Variants in TGDS observed in about 807,000 individuals in gnomAD.
The protein encoded by TGDS is TDP-glucose 4,6-dehydratase, also known as UDP-D-glucose 4,6-dehydratase.
TGDS carries 47 observed loss-of-function variants against 52.3 expected under a neutral mutation model. That is an observed-to-expected ratio of 0.90 (90% CI 0.71 to 1.15). TGDS has a LOEUF of 1.15. TGDS is among the 50% of genes most tolerant of loss of function. TGDS has a pLI of 0.00. For missense variants in TGDS, 375 were observed against 418.4 expected, an observed-to-expected ratio of 0.90 and a Z score of 0.90; for synonymous variants, 115 against 136.9, an observed-to-expected ratio of 0.84 and a Z score of 1.12.
intron 4 of TGDS, among the ~76,000 whole-genome samples, chr13:94,587,173 G>GA (rs34519026): frequency 0.66 from 100,639 of 151,550 alleles, 33,622 homozygotes; most frequent in Admixed American, 0.72. Context: ...ATACATTAGA[G>GA]AAAACGTGAA....
At chr13:94,577,552 A>T in intron 9 of TGDS, 123 bp from the exon 10 acceptor site, 20 of 681,190 alleles carry the variant, frequency 2.9e-5, no homozygotes, top group Non-Finnish European at 4.2e-5. Flanking sequence ...GCTAAAATGA[A>T]CATCATTTTA....
chr13:94,583,895 A>G (rs958987494), intron 4 of TGDS, among the ~76,000 whole-genome samples: 19 of 152,272 alleles, frequency 1.2e-4, no homozygotes, highest in African/African-American at 4.3e-4. Flanking sequence ...AACAGGTAGG[A>G]GACATAAACA....
rs1889234029 is a variant in TGDS at position 94,592,410 on chromosome 13, A to G, written c.154-101T>C. 4 of 892,040 alleles carry G rather than the reference A, an allele frequency of 4.5e-6. No individual in the cohort carries two copies. In the Admixed American group the frequency reaches 1.3e-4, roughly 28 times the overall value. The allele number at this position is 892,040 out of a possible 1,614,324, so 55.3% of individuals were successfully genotyped here. On this transcript the variant is annotated intron_variant, in intron 2 of 11. Coordinates refer to ENST00000261296, the MANE Select transcript of TGDS (RefSeq NM_014305.4). ...AAAGACTACAGATGTTACTGGTTACAATACAAGAACATGTCCTCTTAAAGT... is the reference window on the plus strand; with the variant it reads ...AAAGACTACAGATGTTACTGGTTACGATACAAGAACATGTCCTCTTAAAGT...
upstream of TGDS, chr13:94,596,242 C>G: frequency 3.2e-6 from 4 of 1,242,182 alleles, no homozygotes; most frequent in Non-Finnish European, 4.5e-6. Flanking sequence ...GACACGTTAA[C>G]AGAGCAGCCA....
chr13:94,594,014 A>C, intron 1 of TGDS, 107 bp from the exon 2 acceptor site: 1 of 662,746 alleles, frequency 1.5e-6, no homozygotes. Context: ...AGATAACTTT[A>C]ATTTTTTCTA....
chr13:94,588,421 C>CAAAAAAAAAAAAAAAAA (rs150186125), intron 4 of TGDS, among the ~76,000 whole-genome samples: 6 of 58,492 alleles, frequency 1.0e-4, no homozygotes, highest in Admixed American at 2.8e-4. Flanking sequence ...GACTCTGTCT[C>CAAAAAAAAAAAAAAAAA]AAAAAAAAAA....
rs770302364 is a variant in TGDS, at chr13:94,578,053, G to A, written c.777C>T (p.Thr259=). Reference sequence around the variant, plus strand: ...GCTGGACAACTGACATTTCAAAATTGGTTCCGATGTTATAAATTTCACCTG... The same window carrying A: ...GCTGGACAACTGACATTTCAAAATTAGTTCCGATGTTATAAATTTCACCTG... The part of the protein sequence containing the change: ...GKPGEIYNIG[T]NFEMSVVQLA... The change falls in exon 9 of 12, where the codon ACC becomes ACT. Residue 259 remains threonine (T), a synonymous_variant. Coordinates refer to ENST00000261296, the MANE Select transcript of TGDS (RefSeq NM_014305.4). The A allele has an allele frequency of 1.7e-5, 28 of 1,613,712 alleles. 1 individual carries two copies. In the South Asian group the frequency reaches 2.9e-4, roughly 16 times the overall value.
At chr13:94,587,646 T>C (rs1017476856) in intron 4 of TGDS, among the ~76,000 whole-genome samples, 12 of 152,236 alleles carry the variant, frequency 7.9e-5, no homozygotes, top group African/African-American at 2.9e-4. Context: ...ACAATAACTT[T>C]TAAGAAAAGA....
At chr13:94,581,298 T>A (rs777037689) in intron 5 of TGDS, 109 bp from the exon 6 acceptor site, 85 of 656,166 alleles carry the variant, frequency 1.3e-4, no homozygotes, top group Admixed American at 6.0e-5. Flanking sequence ...AAAAGCCACT[T>A]CTTAAATCCT....
At chr13:94,588,240 A>G (rs1379339826) in intron 4 of TGDS, among the ~76,000 whole-genome samples, 1 of 151,340 alleles carries the variant, frequency 6.6e-6, no homozygotes, top group African/African-American at 2.4e-5. Flanking sequence ...CCTGGCCAAC[A>G]TGGTGAAACC....
rs780303987 is a variant in TGDS, at chr13:94,574,871, A to C, written c.983-19T>G. ...CATTCAACTAATAGGAAAAAACAAA[A>C]GACAAAAAAAAAAAAGAAAAGAAAG... is the stretch of plus-strand genomic sequence containing the variant. On this transcript the variant is annotated intron_variant, in intron 11 of 11. Transcript: ENST00000261296. 3 of 1,429,622 alleles carry C rather than the reference A, an allele frequency of 2.1e-6. No individual in the cohort carries two copies. The highest frequency in any genetic ancestry group is 2.8e-6 in the Non-Finnish European group (3 of 1,057,874). The allele number at this position is 1,429,622 out of a possible 1,614,324, so 88.6% of individuals were successfully genotyped here.
intron 3 of TGDS, among the ~76,000 whole-genome samples, chr13:94,591,239 A>T (rs1413606549): frequency 6.6e-6 from 1 of 152,236 alleles, no homozygotes; most frequent in African/African-American, 2.4e-5. Context: ...CACTATATTA[A>T]TACAAAACTT....
Position 94,593,923 on chromosome 13 carries a change from A to C in TGDS, c.87-16T>G. On this transcript the variant is annotated splice_polypyrimidine_tract_variant and intron_variant, in intron 1 of 11. Coordinates refer to ENST00000261296, the MANE Select transcript of TGDS (RefSeq NM_014305.4). ...ATGTGATGCACTATGGAAAAAAAGT[A>C]TATCTTGTTAGTGAAAAACTTTAAC... 5 of 1,507,810 alleles carry C rather than the reference A, an allele frequency of 3.3e-6. No homozygotes were observed. Among genetic ancestry groups the C allele is most frequent in the Non-Finnish European group, 4.5e-6 (5 of 1,110,466 alleles). 93.4% of individuals were successfully genotyped at this position (1,507,810 alleles called of 1,614,324 possible). A position where few individuals can be genotyped will look rare whatever the true frequency, so the allele number is the denominator to read the frequency against.
At chr13:94,576,212 T>C in intron 11 of TGDS, 102 bp downstream of exon 11, 1 of 701,218 alleles carries the variant, frequency 1.4e-6, no homozygotes, top group Non-Finnish European at 2.2e-6. Flanking sequence ...GTACGAATGA[T>C]TCAACACAAT....
rs1000764907 is a variant in TGDS, at chr13:94,586,292, G to A, written c.314-3056C>T. Among the ~76,000 whole-genome samples, 3 of 152,010 alleles carry A rather than the reference G, an allele frequency of 2.0e-5. No homozygotes were observed. In the South Asian group the frequency reaches 6.2e-4, roughly 32 times the overall value. On this transcript the variant is annotated intron_variant, in intron 4 of 11. Coordinates refer to ENST00000261296, the MANE Select transcript of TGDS (RefSeq NM_014305.4). ...GACATGCAGCTAACCCATAAAACTAGAGAAAGTTTGGAAATAAAAAGATGG... is the reference window on the plus strand; with the variant it reads ...GACATGCAGCTAACCCATAAAACTAAAGAAAGTTTGGAAATAAAAAGATGG...
chr13:94,578,591 T>G, intron 8 of TGDS, 139 bp downstream of exon 8: 2 of 642,160 alleles, frequency 3.1e-6, no homozygotes, highest in Non-Finnish European at 5.5e-6. Context: ...TAAAAACTAT[T>G]ACACTGGAGA....
chr13:94,578,596 T>C (rs1479328174), intron 8 of TGDS, 134 bp downstream of exon 8: 2 of 664,926 alleles, frequency 3.0e-6, no homozygotes, highest in Non-Finnish European at 5.3e-6. Context: ...ACTATTACAC[T>C]GGAGAAATGA....
At chr13:94,576,898 C>A (rs959143207) in intron 10 of TGDS, among the ~76,000 whole-genome samples, 1 of 152,026 alleles carries the variant, frequency 6.6e-6, no homozygotes. Context: ...GTTAAGAGAT[C>A]GAGACAATCC....
intron 4 of TGDS, among the ~76,000 whole-genome samples, chr13:94,586,335 T>C (rs1474098929): frequency 6.6e-6 from 1 of 152,060 alleles, no homozygotes; most frequent in East Asian, 1.9e-4. Flanking sequence ...ATCATGAAAA[T>C]ACTAACCAAA....
Sources: gnomAD v4.1 joint callset for allele counts (sites outside exome capture counted in the v4.1 genomes callset) on GRCh38, gnomAD v4.1.1 for gene constraint, MANE v1.5 for transcripts, NCBI Gene and HGNC (gene_info 2026-07-23, HGNC 2026-07-21) for gene names.